DSCAM: variants seen among roughly 807,000 people sequenced by gnomAD.
DSCAM encodes the protein cell adhesion molecule DSCAM.
Under a neutral mutation model 217.7 loss-of-function variants are expected in DSCAM, and 47 were observed. The ratio of observed to expected loss-of-function variants is 0.22; its 90% CI spans 0.17 to 0.28. The LOEUF is 0.28. Ranked by LOEUF, DSCAM falls within the 10% of genes least tolerant of loss-of-function variation. The pLI is 1.00. For synonymous variants in DSCAM, 1,056 were observed against 1,015.3 expected (o/e 1.04, Z -0.76); for missense variants, 2,080 against 2,618.3 (o/e 0.79, Z 4.49).
chr21:40,448,058 C>G (rs537049281), intron 3 of DSCAM, among the ~76,000 whole-genome samples: 3 of 152,260 alleles, frequency 2.0e-5, no homozygotes, highest in Admixed American at 6.5e-5. Context: ...CTCAATAGGT[C>G]AACATGGAAA....
rs2297265 is a variant in DSCAM, at chr21:40,144,395, T to G, written c.3259+96A>C. 832,552 of 1,549,228 alleles carry G rather than the reference T, an allele frequency of 0.54. 232,669 individuals are homozygous for G. The highest frequency in any genetic ancestry group is 0.59 in the South Asian group (47,894 of 81,784). On this transcript the variant is annotated intron_variant, in intron 17 of 32. Coordinates refer to ENST00000400454, the MANE Select transcript of DSCAM (RefSeq NM_001389.5). This position sits in a 1 kb window ranked among gnomAD's most constrained non-coding sequence, Gnocchi z 4.8. ...GGCCCTGCAGGTCACTGCAAAGTCG[T>G]GGGGCGGGGGAGTGCGAGGTTGGGG... is the stretch of plus-strand genomic sequence containing the variant.
chr21:40,686,174 C>T (rs1050575199), intron 3 of DSCAM, among the ~76,000 whole-genome samples: 2 of 150,532 alleles, frequency 1.3e-5, no homozygotes, highest in African/African-American at 2.4e-5. Flanking sequence ...CACACACACA[C>T]ATACAGAGCA....
intron 1 of DSCAM, among the ~76,000 whole-genome samples, chr21:40,813,060 T>A (rs2091852315): frequency 6.6e-6 from 1 of 152,216 alleles, no homozygotes; most frequent in African/African-American, 2.4e-5. Context: ...GTAAATGGGT[T>A]TCGACATGTC....
intron 1 of DSCAM, among the ~76,000 whole-genome samples, chr21:40,723,494 T>C (rs549600103): frequency 2.0e-5 from 3 of 152,318 alleles, no homozygotes; most frequent in East Asian, 3.9e-4. Context: ...CTATTTTGCA[T>C]GTGCACCCCA....
At chr21:40,729,905 C>T (rs1264129155) in intron 1 of DSCAM, among the ~76,000 whole-genome samples, 1 of 151,998 alleles carries the variant, frequency 6.6e-6, no homozygotes, top group East Asian at 1.9e-4. Flanking sequence ...TTAATTTTGA[C>T]AGTTTGCCTA....
Position 40,338,223 on chromosome 21 carries a change from T to C in DSCAM, c.1661A>G (p.Glu554Gly), listed in dbSNP as rs1248775913. ...LPFNHRQVAF[E>G]NNGTLKLSDV... is the part of the protein sequence containing the mutation. ...TGAAAGTTTAAGAGTTCCATTGTTCTCAAATGCCACTTGGCGGTGGTTGAA... is the reference window on the plus strand; with the variant it reads ...TGAAAGTTTAAGAGTTCCATTGTTCCCAAATGCCACTTGGCGGTGGTTGAA... Residue 554 changes from glutamate (E) to glycine (G), a missense_variant, in exon 8 of 33, where the codon GAG (glutamate) becomes GGG (glycine). By Grantham distance (98) the Glu-to-Gly change is moderately conservative. Around this residue, in one of 5 missense-constraint regions of DSCAM, gnomAD observed 218 missense variants for 364.1 expected, o/e 0.60. Coordinates refer to ENST00000400454, the MANE Select transcript of DSCAM (RefSeq NM_001389.5). The C allele has an allele frequency of 6.2e-7, 1 of 1,614,274 alleles. No homozygotes were observed. The highest frequency in any genetic ancestry group is 8.5e-7 in the Non-Finnish European group (1 of 1,180,046).
intron 3 of DSCAM, among the ~76,000 whole-genome samples, chr21:40,609,826 G>A (rs1400805728): frequency 1.3e-5 from 2 of 152,242 alleles, no homozygotes; most frequent in African/African-American, 4.8e-5. Flanking sequence ...GGCAGGCCTT[G>A]CCTGGGAAAG....
At chr21:40,372,461 T>C (rs753478713) in intron 3 of DSCAM, among the ~76,000 whole-genome samples, 1 of 152,224 alleles carries the variant, frequency 6.6e-6, no homozygotes, top group Non-Finnish European at 1.5e-5. Context: ...CTTTTTGTCA[T>C]GTTAGACACA....
At chr21:40,509,577 T>C (rs956060483) in intron 3 of DSCAM, among the ~76,000 whole-genome samples, 1 of 152,194 alleles carries the variant, frequency 6.6e-6, no homozygotes, top group Non-Finnish European at 1.5e-5. Flanking sequence ...CAATATGCAG[T>C]GGGTTCAGAA....
chr21:40,417,520 TCTAATGTGTAATA>T (rs1569113013), intron 3 of DSCAM, among the ~76,000 whole-genome samples: 2 of 152,002 alleles, frequency 1.3e-5, no homozygotes, highest in Non-Finnish European at 2.9e-5. Flanking sequence ...AATTGTTGTG[TCTAATGTGTAATA>T]TTGCATTTGA....
intron 3 of DSCAM, among the ~76,000 whole-genome samples, chr21:40,644,301 G>A (rs576636914): frequency 7.2e-5 from 11 of 152,338 alleles, no homozygotes; most frequent in Admixed American, 6.5e-4. Context: ...TGTTTGGTGA[G>A]TCAAGTGGTT....
In DSCAM at chr21:40,733,251, G is replaced by T. The variant is rs143133556; in HGVS notation, c.44-24480C>A. Among the ~76,000 whole-genome samples, 18 of 152,352 alleles carry T rather than the reference G, an allele frequency of 1.2e-4. No individual in the cohort carries two copies. The East Asian group carries it at 3.5e-3, about 29-fold the overall frequency. On this transcript the variant is annotated intron_variant, in intron 1 of 32. Transcript: ENST00000400454. ...GAGGTATGAACCAGGAGCTTGGAAAGAACAGAGGAGCCTGCTGGATACTGA... is the reference window on the plus strand; with the variant it reads ...GAGGTATGAACCAGGAGCTTGGAAATAACAGAGGAGCCTGCTGGATACTGA...
chr21:40,438,118 G>A (rs2075599806), intron 3 of DSCAM, among the ~76,000 whole-genome samples: 1 of 152,202 alleles, frequency 6.6e-6, no homozygotes, highest in Admixed American at 6.5e-5. Context: ...ACAGCATCGA[G>A]TCTGTATTCT....
intron 3 of DSCAM, among the ~76,000 whole-genome samples, chr21:40,653,358 T>A (rs2146364012): frequency 6.6e-6 from 1 of 152,248 alleles, no homozygotes; most frequent in East Asian, 1.9e-4. Context: ...TACAACAGCC[T>A]AAGAGAGTTC....
chr21:40,476,369 T>G, intron 3 of DSCAM, among the ~76,000 whole-genome samples: 1 of 152,168 alleles, frequency 6.6e-6, no homozygotes. Context: ...ATATAACCCA[T>G]TGAGTTGTTA....
At position 40,830,305 on chromosome 21, in the gene DSCAM, G is replaced by T. The variant is rs1334046018; in HGVS notation, c.43+16314C>A. ...GGGGAGGTGCCACACACTTTTAGAT[G>T]ACCAGATCTTAAGAGAACTCCCTAT... On this transcript the variant is annotated intron_variant, in intron 1 of 32. Coordinates refer to ENST00000400454, the MANE Select transcript of DSCAM (RefSeq NM_001389.5). Among the ~76,000 whole-genome samples the T allele has an allele frequency of 2.7e-5, 4 of 147,264 alleles. No individual in the cohort carries two copies. The East Asian group carries it at 6.1e-4, about 22-fold the overall frequency.
chr21:40,165,799 T>G (rs2090588520), intron 16 of DSCAM, among the ~76,000 whole-genome samples: 1 of 152,050 alleles, frequency 6.6e-6, no homozygotes, highest in Non-Finnish European at 1.5e-5. Context: ...AACTTCACAG[T>G]CTTCAATTCA....
At chr21:40,263,086 C>A (rs560573595) in intron 11 of DSCAM, among the ~76,000 whole-genome samples, 8 of 152,206 alleles carry the variant, frequency 5.3e-5, no homozygotes, top group African/African-American at 1.9e-4. Context: ...ATTCAAAATT[C>A]TTTGGTAAAA....
intron 32 of DSCAM, among the ~76,000 whole-genome samples, chr21:40,029,216 C>A (rs138552561): frequency 2.1e-4 from 32 of 151,954 alleles, no homozygotes; most frequent in Admixed American, 7.2e-4. Flanking sequence ...GCTTCTTCTT[C>A]TTATGATGTT....
Sources: allele counts gnomAD v4.1 joint callset (sites outside exome capture counted in the v4.1 genomes callset), GRCh38; gene constraint gnomAD v4.1.1; regional missense constraint gnomAD v4.1.1; non-coding constraint Gnocchi (gnomAD v3.1); transcripts MANE v1.5; gene names NCBI Gene and HGNC (gene_info 2026-07-23, HGNC 2026-07-21).